Variants in DGKE observed in about 807,000 individuals in gnomAD.
The protein encoded by DGKE is diacylglycerol kinase epsilon, also known as DAG kinase epsilon.
Under a neutral mutation model 70.0 loss-of-function variants are expected in DGKE, and 53 were observed. The observed-to-expected ratio is 0.76, with a 90% CI of 0.61 to 0.95. The LOEUF (loss-of-function observed/expected upper bound fraction) is 0.95, where lower values mean the gene tolerates loss of function less well. Ranked by LOEUF, DGKE falls within the 40% of genes least tolerant of loss-of-function variation. The probability of loss-of-function intolerance (pLI) is 0.00; values close to 1 mark genes in which losing one functional copy is unlikely to be tolerated. For missense variants in DGKE, 655 were observed against 706.9 expected (o/e 0.93, Z 0.83); for synonymous variants, 291 against 257.0 (o/e 1.13, Z -1.27).
intron 9 of DGKE, 74 bp downstream of exon 9, chr17:56,858,739 T>C: frequency 8.9e-7 from 1 of 1,126,572 alleles, no homozygotes; most frequent in Non-Finnish European, 1.3e-6. Flanking sequence ...TAAACAGAAA[T>C]GCTAAACTTT....
intron 2 of DGKE, among the ~76,000 whole-genome samples, chr17:56,842,462 T>G (rs1567812100): frequency 6.6e-6 from 1 of 152,230 alleles, no homozygotes; most frequent in Non-Finnish European, 1.5e-5. Context: ...ATATACTATT[T>G]TAAAGTTATG....
Position 56,862,188 on chromosome 17 carries a change from C to T in DGKE, c.1461C>T (p.His487=). The T allele has an allele frequency of 6.2e-7, 1 of 1,614,152 alleles. No homozygotes were observed. Among genetic ancestry groups the T allele is most frequent in the Non-Finnish European group, 8.5e-7 (1 of 1,180,022 alleles). Residue 487 remains histidine, a synonymous_variant, in exon 11 of 12, where the codon CAC becomes CAT. Transcript: ENST00000284061. ...TCGTTGGAGTATATGGGTCTTTCCA[C>T]TGTGCTCAGATTCAAGTAAAACTGG... ...LEVVGVYGSF[H]CAQIQVKLAN... is the part of the protein sequence containing the mutation.
chr17:56,834,353 C>T (rs975888656), intron 1 of DGKE, 93 bp downstream of exon 1: 4 of 163,996 alleles, frequency 2.4e-5, no homozygotes, highest in Admixed American at 6.5e-5. Flanking sequence ...GGGTGGGGCC[C>T]GGGAGGAGAC....
In DGKE at chr17:56,868,449, A is replaced by G. The variant is rs1257034893; in HGVS notation, c.*5658A>G. 1 of 152,230 alleles carries G rather than the reference A, an allele frequency of 6.6e-6. No individual in the cohort carries two copies. The highest frequency in any genetic ancestry group is 1.9e-4 in the East Asian group (1 of 5,196). 9.4% of individuals were successfully genotyped at this position (152,230 alleles called of 1,614,324 possible). A position where few individuals can be genotyped will look rare whatever the true frequency, so the allele number is the denominator to read the frequency against. On this transcript the variant is annotated 3_prime_UTR_variant, in exon 12 of 12. Coordinates refer to ENST00000284061, the MANE Select transcript of DGKE (RefSeq NM_003647.3). ...CTGATTGCACTGGATCCCTAAACCC[A>G]CAATGTTGAGGACACATGTGATGAC...
At chr17:56,850,961 G>A (rs901912937) in intron 7 of DGKE, among the ~76,000 whole-genome samples, 5 of 152,188 alleles carry the variant, frequency 3.3e-5, no homozygotes, top group East Asian at 3.8e-4. Flanking sequence ...TGATACGGGA[G>A]TTGGTCCTTA....
rs1907139361 is a variant in DGKE at position 56,843,956 on chromosome 17, T to A, written c.465-63T>A. The A allele has an allele frequency of 2.8e-6, 4 of 1,430,824 alleles. No homozygotes were observed. The Admixed American group carries it at 8.2e-5, about 29-fold the overall frequency. The allele number at this position is 1,430,824 out of a possible 1,614,324, so 88.6% of individuals were successfully genotyped here. ...TTATTTTTTAACAAAAATGATTGTT[T>A]TGTGGGTTATCATTGAGATTATGGT... is the stretch of plus-strand genomic sequence containing the variant. On this transcript the variant is annotated intron_variant, in intron 2 of 11. Transcript: ENST00000284061.
Position 56,835,158 on chromosome 17 carries a change from C to T in DGKE, c.363C>T (p.Asp121=), listed in dbSNP as rs759138367. 1.2e-6 allele frequency: 2 copies of T among 1,614,106 alleles called. No individual in the cohort carries two copies. The highest frequency in any genetic ancestry group is 1.7e-6 in the Non-Finnish European group (2 of 1,180,046). The part of the protein sequence containing the change: ...IMLKNDTKVL[D]AMPHHWIRGN... ...TCAAGAATGACACCAAGGTCCTGGA[C>T]GCCATGCCCCACCACTGGATCCGGG... The change falls in exon 2 of 12, where the codon GAC becomes GAT. Residue 121 remains aspartate (D), a synonymous_variant. Transcript: ENST00000284061.
At position 56,862,802 on chromosome 17, in the gene DGKE, G is replaced by T. The variant is rs764321176; in HGVS notation, c.*11G>T. On this transcript the variant is annotated 3_prime_UTR_variant, in exon 12 of 12. Coordinates refer to ENST00000284061, the MANE Select transcript of DGKE (RefSeq NM_003647.3). The stretch of plus-strand genomic sequence containing the variant: ...AAGGCGACTGAATAGATGGATGAGG[G>T]AGTGAAAACTTTGCATAGAATCCTC... 16 of 1,523,818 alleles carry T rather than the reference G, an allele frequency of 1.0e-5. No individual in the cohort carries two copies. The highest frequency in any genetic ancestry group is 1.3e-5 in the Non-Finnish European group (15 of 1,144,960). The allele number at this position is 1,523,818 out of a possible 1,614,324, so 94.4% of individuals were successfully genotyped here.
chr17:56,861,829 G>A lies in DGKE; in HGVS notation c.1323G>A (p.Leu441=). 2 of 1,613,740 alleles carry A rather than the reference G, an allele frequency of 1.2e-6. No individual in the cohort carries two copies. The highest frequency in any genetic ancestry group is 1.7e-6 in the Non-Finnish European group (2 of 1,179,898). Residue 441 remains leucine (L), a synonymous_variant, in exon 10 of 12, where the codon TTG becomes TTA. Transcript: ENST00000284061. ...GTGAGCGAGTAGCACTGCCCAGCTT[G>A]GAAGGTATTATAGTTCTGAACATCG... The part of the protein sequence containing the change: ...LDGERVALPS[L]EGIIVLNIGY...
chr17:56,847,546 C>G (rs960167831), intron 4 of DGKE: 1 of 152,674 alleles, frequency 6.5e-6, no homozygotes, highest in African/African-American at 2.4e-5. Flanking sequence ...GTTGGCCAGG[C>G]TGGTCTCGAA....
chr17:56,852,550 T>A lies in DGKE; in HGVS notation c.1098+3318T>A, dbSNP rs181998144. ...GGAGTAGACAGAAAACTGCAGTGTT[T>A]CCTTTGAAGCCTTGTAGAACTATAT... On this transcript the variant is annotated intron_variant, in intron 7 of 11. Transcript: ENST00000284061. Among the ~76,000 whole-genome samples the A allele has an allele frequency of 3.2e-4, 48 of 152,324 alleles. No homozygotes were observed. In the East Asian group the frequency reaches 7.1e-3, roughly 23 times the overall value.
At position 56,863,828 on chromosome 17, in the gene DGKE, CT is replaced by C. The variant is rs1908422349; in HGVS notation, c.*1039del. 6.6e-6 allele frequency: 1 copy of C among 151,598 alleles called. No homozygotes were observed. The highest frequency in any genetic ancestry group is 1.5e-5 in the Non-Finnish European group (1 of 67,916). 9.4% of individuals were successfully genotyped at this position (151,598 alleles called of 1,614,324 possible). A position where few individuals can be genotyped will look rare whatever the true frequency, so the allele number is the denominator to read the frequency against. On this transcript the variant is annotated 3_prime_UTR_variant, in exon 12 of 12. Coordinates refer to ENST00000284061, the MANE Select transcript of DGKE (RefSeq NM_003647.3). ...TATTTTTAAATTATTTATTATTTACCTTGTGGTATGGTACCTGTGTTTAGTG... is the reference window on the plus strand; with the variant it reads ...TATTTTTAAATTATTTATTATTTACCTGTGGTATGGTACCTGTGTTTAGTG...
chr17:56,848,706 A>C lies in DGKE; in HGVS notation c.899A>C (p.Lys300Thr). The change falls in exon 6 of 12, where the codon AAG (lysine) becomes ACG (threonine). Residue 300 changes from lysine to threonine, a missense_variant. Coordinates refer to ENST00000284061, the MANE Select transcript of DGKE (RefSeq NM_003647.3). ...TCTTCCATATTCTAGGGACAAGAAA[A>C]GTACATTCCACAAGTTGCAGTTTTG... ...VDDMKIKGQE[K>T]YIPQVAVLPL... The C allele has an allele frequency of 6.2e-7, 1 of 1,614,104 alleles. No individual in the cohort carries two copies. Among genetic ancestry groups the C allele is most frequent in the Non-Finnish European group, 8.5e-7 (1 of 1,179,960 alleles).
chr17:56,844,246 G>A, intron 3 of DGKE, 68 bp downstream of exon 3: 2 of 1,070,200 alleles, frequency 1.9e-6, no homozygotes, highest in African/African-American at 1.6e-5. Flanking sequence ...GTTTGAGATA[G>A]TTAAGACAGT....
chr17:56,852,752 T>A (rs985987255), intron 7 of DGKE, among the ~76,000 whole-genome samples: 3 of 152,220 alleles, frequency 2.0e-5, no homozygotes, highest in African/African-American at 4.8e-5. Flanking sequence ...TAGTAGCCAA[T>A]CTAATAGGTG....
chr17:56,854,581 C>T (rs1567819932), intron 7 of DGKE, among the ~76,000 whole-genome samples: 1 of 152,094 alleles, frequency 6.6e-6, no homozygotes, highest in African/African-American at 2.4e-5. Flanking sequence ...TCCCAAAGTG[C>T]TGGGATTACA....
At chr17:56,860,170 G>A (rs969943497) in intron 9 of DGKE, among the ~76,000 whole-genome samples, 1 of 151,952 alleles carries the variant, frequency 6.6e-6, no homozygotes, top group Non-Finnish European at 1.5e-5. Flanking sequence ...CTACAAAATA[G>A]TCATTGTCCT....
At chr17:56,860,726 C>G (rs745815788) in intron 9 of DGKE, among the ~76,000 whole-genome samples, 4 of 152,066 alleles carry the variant, frequency 2.6e-5, no homozygotes, top group Non-Finnish European at 5.9e-5. Flanking sequence ...TAAGAGTTAG[C>G]TAAGAGAAGG....
Position 56,852,418 on chromosome 17 carries a change from A to G in DGKE, c.1098+3186A>G, listed in dbSNP as rs992038562. On this transcript the variant is annotated intron_variant, in intron 7 of 11. Coordinates refer to ENST00000284061, the MANE Select transcript of DGKE (RefSeq NM_003647.3). ...ACAGAGCAAGACTCTGTCTCAAAAA[A>G]AAAAAAATCAAGAAGTAATGATCTG... 4.8e-3 allele frequency among the ~76,000 whole-genome samples: 737 copies of G among 151,978 alleles called. 2 individuals are homozygous for G. The highest frequency in any genetic ancestry group is 0.017 in the African/African-American group (699 of 41,470).
Sources: allele counts gnomAD v4.1 joint callset (sites outside exome capture counted in the v4.1 genomes callset), GRCh38; gene constraint gnomAD v4.1.1; transcripts MANE v1.5; gene names NCBI Gene and HGNC (gene_info 2026-07-23, HGNC 2026-07-21).